The following SI variants were observed in gnomAD, a reference collection of about 807,000 sequenced individuals.
SI encodes sucrase-isomaltase, intestinal.
In SI, 235 loss-of-function variants were observed where a neutral mutation model predicts 253.3. That is an observed-to-expected ratio of 0.93 (90% confidence interval 0.83 to 1.03). The LOEUF (loss-of-function observed/expected upper bound fraction) is 1.03, where lower values mean the gene tolerates loss of function less well. Among genes scored for constraint, SI ranks in the 50% least tolerant of loss-of-function variants. The probability of loss-of-function intolerance (pLI) is 0.00; values close to 1 mark genes in which losing one functional copy is unlikely to be tolerated. For synonymous variants in SI, 819 were observed against 712.0 expected (o/e 1.15, Z -2.39); for missense variants, 2,442 against 2,211.1 (o/e 1.10, Z -2.09).
At chr3:164,989,415 A>AGAAAGAAAGAAAGAAAGAAAGAAAG (rs1717616332) in intron 44 of SI, among the ~76,000 whole-genome samples, 2 of 147,730 alleles carry the variant, frequency 1.4e-5, no homozygotes, top group South Asian at 4.5e-4. Flanking sequence ...AAAGAAAGAA[A>AGAAAGAAAGAAAGAAAGAAAGAAAG]GAAAGAAAGA....
At position 165,062,226 on chromosome 3, in the gene SI, G is replaced by C; in HGVS notation, c.1020+145C>G. The stretch of plus-strand genomic sequence containing the variant: ...GTATAGGGGAAAAAAAAAACACCCA[G>C]CTGCATCTTAAATATGATAAGATTT... On this transcript the variant is annotated intron_variant, in intron 9 of 47. Coordinates refer to ENST00000264382, the MANE Select transcript of SI (RefSeq NM_001041.4). 12 of 607,158 alleles carry C rather than the reference G, an allele frequency of 2.0e-5. No individual in the cohort carries two copies. In the South Asian group the frequency reaches 2.3e-4, roughly 12 times the overall value. 37.6% of individuals were successfully genotyped at this position (607,158 alleles called of 1,614,324 possible). A position where few individuals can be genotyped will look rare whatever the true frequency, so the allele number is the denominator to read the frequency against.
At chr3:165,063,733 T>C (rs1234362900) in intron 7 of SI, among the ~76,000 whole-genome samples, 192 bp from the exon 8 acceptor site, 2 of 150,434 alleles carry the variant, frequency 1.3e-5, no homozygotes, top group Non-Finnish European at 3.0e-5. Flanking sequence ...TTTTTAACAT[T>C]ATTAATATAG....
intron 47 of SI, among the ~76,000 whole-genome samples, chr3:164,979,717 A>C (rs1179578835): frequency 6.6e-6 from 1 of 151,634 alleles, no homozygotes; most frequent in Non-Finnish European, 1.5e-5. Flanking sequence ...CTATGACTTT[A>C]CTCTTTTCAC....
At position 165,013,005 on chromosome 3, in the gene SI, G is replaced by A. The variant is rs750118266; in HGVS notation, c.4037C>T (p.Thr1346Ile). Residue 1346 changes from threonine to isoleucine, a missense_variant, in exon 34 of 48, where the codon ACT (threonine) becomes ATT (isoleucine). Transcript: ENST00000264382. ...PDLPNITIDKTLTEDEAVNAS... is the reference protein window; with the variant it reads ...PDLPNITIDKILTEDEAVNAS... ...ATTAACAGCTTCATCTTCCGTTAGA[G>A]TTTTATCTATTGTTATGTTGGGCAA... 11 of 1,610,004 alleles carry A rather than the reference G, an allele frequency of 6.8e-6. No homozygotes were observed. Among genetic ancestry groups the A allele is most frequent in the Non-Finnish European group, 9.3e-6 (11 of 1,176,584 alleles).
chr3:165,059,416 G>T, intron 10 of SI, 117 bp from the exon 11 acceptor site: 2 of 1,018,732 alleles, frequency 2.0e-6, no homozygotes, highest in Non-Finnish European at 3.0e-6. Flanking sequence ...ATAAATGAAC[G>T]TCCATCCTTT....
chr3:165,037,965 T>C lies in SI; in HGVS notation c.2361A>G (p.Ile787Met), dbSNP rs116791931. The change falls in exon 21 of 48, where the codon ATA becomes ATG. Residue 787 changes from isoleucine (I) to methionine (M), a missense_variant. By Grantham distance (10) the Ile-to-Met change is conservative. Transcript: ENST00000264382. The part of the protein sequence containing the change: ...RVDMYLPADK[I>M]GLHLRGGYII... The stretch of plus-strand genomic sequence containing the variant: ...TATAACCTCCTCTAAGATGTAATCC[T>C]ATTTTGTCTGCTGGAAGATACATAT... The C allele has an allele frequency of 8.7e-6, 14 of 1,611,560 alleles. No individual in the cohort carries two copies. The highest frequency in any genetic ancestry group is 5.0e-5 in the Admixed American group (3 of 59,782).
At chr3:165,082,679 C>A (rs1270407779), upstream of SI, among the ~76,000 whole-genome samples, 1 of 151,920 alleles carries the variant, frequency 6.6e-6, no homozygotes, top group Non-Finnish European at 1.5e-5. Flanking sequence ...CAGAGAGAGC[C>A]AGGACAATGC....
At chr3:165,080,809 A>G (rs1715291609), upstream of SI, among the ~76,000 whole-genome samples, 2 of 151,994 alleles carry the variant, frequency 1.3e-5, no homozygotes, top group South Asian at 4.1e-4. Context: ...GTAAATGACT[A>G]GTTAATGGGT....
intron 6 of SI, among the ~76,000 whole-genome samples, chr3:165,066,903 A>G (rs1264318017): frequency 2.0e-5 from 3 of 152,000 alleles, no homozygotes; most frequent in Non-Finnish European, 4.4e-5. Flanking sequence ...TCATACAATC[A>G]TAATGAAGGT....
At chr3:165,055,576 G>C (rs1015200031) in intron 12 of SI, among the ~76,000 whole-genome samples, 3 of 151,780 alleles carry the variant, frequency 2.0e-5, no homozygotes, top group Non-Finnish European at 4.4e-5. Flanking sequence ...CTGTAAATTT[G>C]TTTTTAAGCA....
At chr3:165,021,855 A>G (rs184481300) in intron 26 of SI, among the ~76,000 whole-genome samples, 2 of 151,690 alleles carry the variant, frequency 1.3e-5, no homozygotes, top group Admixed American at 1.3e-4. Flanking sequence ...AGGGTCTTTG[A>G]TAACTATTGA....
At chr3:165,077,647 G>T (rs994480632) in intron 1 of SI, among the ~76,000 whole-genome samples, 2 of 151,578 alleles carry the variant, frequency 1.3e-5, no homozygotes, top group Admixed American at 1.3e-4. Flanking sequence ...GTTGCGTGAT[G>T]TTATGTTGAG....
intron 45 of SI, 118 bp from the exon 46 acceptor site, chr3:164,983,169 T>C (rs1717278790): frequency 1.0e-6 from 1 of 985,374 alleles, no homozygotes. Flanking sequence ...TATCAAGATG[T>C]ACCTATTTTT....
chr3:165,024,128 T>C (rs1377659867), intron 25 of SI, among the ~76,000 whole-genome samples: 1 of 151,424 alleles, frequency 6.6e-6, no homozygotes, highest in Non-Finnish European at 1.5e-5. Flanking sequence ...TCATATTGAT[T>C]GTTGATTATT....
At chr3:165,057,862 T>C (rs550462127) in intron 12 of SI, among the ~76,000 whole-genome samples, 4 of 152,142 alleles carry the variant, frequency 2.6e-5, no homozygotes, top group African/African-American at 9.6e-5. Context: ...TTGTACAGCA[T>C]TGTACAGATC....
Position 164,995,323 on chromosome 3 carries a change from C to A in SI, c.4693-918G>T, listed in dbSNP as rs769517488. On this transcript the variant is annotated intron_variant, in intron 40 of 47. Coordinates refer to ENST00000264382, the MANE Select transcript of SI (RefSeq NM_001041.4). ...AAGAACTGTTAAGCTGTATGTAATC[C>A]TATTGCTGGTATTTCCAAAGTTAAA... Among the ~76,000 whole-genome samples, 81 of 151,532 alleles carry A rather than the reference C, an allele frequency of 5.3e-4. 1 individual carries two copies. Among genetic ancestry groups the A allele is most frequent in the Non-Finnish European group, 6.8e-4 (46 of 67,754 alleles).
chr3:165,081,387 A>T (rs563885479), upstream of SI, among the ~76,000 whole-genome samples: 1 of 152,120 alleles, frequency 6.6e-6, no homozygotes, highest in South Asian at 2.1e-4. Flanking sequence ...TAATTAGAAC[A>T]GATTAATGTT....
chr3:165,076,961 G>A (rs1253539115), intron 1 of SI, among the ~76,000 whole-genome samples: 1 of 145,654 alleles, frequency 6.9e-6, no homozygotes, highest in East Asian at 2.0e-4. Context: ...AAATTATTGG[G>A]TTTAAAATCA....
At position 165,058,061 on chromosome 3, in the gene SI, T is replaced by TTA. The variant is rs551703047; in HGVS notation, c.1398+901_1398+902insTA. Among the ~76,000 whole-genome samples, 508 of 151,328 alleles carry TTA rather than the reference T, an allele frequency of 3.4e-3. 6 individuals are homozygous for TTA. Among genetic ancestry groups the TTA allele is most frequent in the East Asian group, 0.018 (94 of 5,120 alleles). On this transcript the variant is annotated intron_variant, in intron 12 of 47. Transcript: ENST00000264382. ...AAACAAGTCTTAAAATATTTTTTTT[T>TTA]AAAAAATTGAAATCATATCAACTAT...
Sources: gnomAD v4.1 joint callset for allele counts (sites outside exome capture counted in the v4.1 genomes callset) on GRCh38, gnomAD v4.1.1 for gene constraint, MANE v1.5 for transcripts, NCBI Gene and HGNC (gene_info 2026-07-23, HGNC 2026-07-21) for gene names.